Variants in TANC1 observed in about 807,000 individuals in gnomAD.
TANC1 encodes the protein tetratricopeptide repeat, ankyrin repeat and coiled-coil containing 1, also known as protein TANC1.
In TANC1, 77 loss-of-function variants were observed where a neutral mutation model predicts 149.7. The ratio of observed to expected loss-of-function variants is 0.51; its 90% CI spans 0.43 to 0.62. TANC1 has a LOEUF of 0.62. Ranked by LOEUF, TANC1 falls within the 20% of genes least tolerant of loss-of-function variation. TANC1 has a pLI of 0.00. For synonymous variants in TANC1, 854 were observed against 925.0 expected, an observed-to-expected ratio of 0.92 and a Z score of 1.39; for missense variants, 1,985 against 2,321.8, an observed-to-expected ratio of 0.85 and a Z score of 2.98.
intron 3 of TANC1, among the ~76,000 whole-genome samples, chr2:159,072,639 A>G (rs768086685): frequency 5.9e-5 from 9 of 152,244 alleles, no homozygotes; most frequent in Non-Finnish European, 1.2e-4. Flanking sequence ...CCTTAAAAAT[A>G]TATAAATAAA....
At chr2:159,190,965 TG>T (rs1163485271) in intron 16 of TANC1, among the ~76,000 whole-genome samples, 1 of 152,228 alleles carries the variant, frequency 6.6e-6, no homozygotes, top group African/African-American at 2.4e-5. Context: ...GCAGGCTTGG[TG>T]GGGATTAATT....
chr2:159,192,163 C>T (rs2057493004), intron 16 of TANC1, among the ~76,000 whole-genome samples: 1 of 152,144 alleles, frequency 6.6e-6, no homozygotes, highest in Admixed American at 6.5e-5. Flanking sequence ...GGAAGCAGCA[C>T]ATTATTTTCT....
intron 7 of TANC1, among the ~76,000 whole-genome samples, chr2:159,153,402 A>C (rs1304821569): frequency 6.6e-6 from 1 of 152,254 alleles, no homozygotes; most frequent in East Asian, 1.9e-4. Context: ...GGAATTAGGA[A>C]GTGGCTGGTA....
intron 2 of TANC1, among the ~76,000 whole-genome samples, chr2:159,048,295 G>A (rs1369685460): frequency 2.6e-5 from 4 of 152,176 alleles, no homozygotes; most frequent in Admixed American, 6.5e-5. Flanking sequence ...ATCTGTTAAC[G>A]TATATTTTTT....
chr2:159,160,374 C>G (rs547022989), intron 7 of TANC1, among the ~76,000 whole-genome samples: 2 of 152,086 alleles, frequency 1.3e-5, no homozygotes, highest in South Asian at 4.2e-4. Context: ...AGATGCTGCC[C>G]TTGATGTGTA....
intron 18 of TANC1, 79 bp downstream of exon 18, chr2:159,196,872 A>T (rs1575201341): frequency 1.5e-6 from 2 of 1,358,044 alleles, no homozygotes; most frequent in East Asian, 4.9e-5. Flanking sequence ...GAAGGACCGA[A>T]AGAAGGAGGA....
At chr2:158,969,309 G>C (rs2032471261) in intron 1 of TANC1, among the ~76,000 whole-genome samples, 1 of 152,254 alleles carries the variant, frequency 6.6e-6, no homozygotes, top group African/African-American at 2.4e-5. Context: ...AAGTTGCCGA[G>C]AGAACTTAAG....
chr2:159,205,473 G>A (rs575726503), intron 19 of TANC1, among the ~76,000 whole-genome samples: 1 of 152,322 alleles, frequency 6.6e-6, no homozygotes, highest in East Asian at 1.9e-4. Context: ...CATGTGAGAA[G>A]GTGTTCCCAT....
At chr2:159,120,868 T>C (rs539493102) in intron 4 of TANC1, among the ~76,000 whole-genome samples, 17 of 152,324 alleles carry the variant, frequency 1.1e-4, no homozygotes, top group Middle Eastern at 3.4e-3. Context: ...CCCAAAGTGC[T>C]GAGATTACAG....
chr2:159,037,387 T>C (rs1419131555), intron 2 of TANC1, among the ~76,000 whole-genome samples: 48 of 152,220 alleles, frequency 3.2e-4, no homozygotes, highest in Admixed American at 3.1e-3. Context: ...TTGTCAATTT[T>C]GGCTTTTGTT....
intron 2 of TANC1, chr2:159,004,182 C>T: frequency 1.2e-6 from 2 of 1,612,634 alleles, no homozygotes; most frequent in Non-Finnish European, 1.7e-6. Flanking sequence ...TTTAACAAGC[C>T]TTAGGAAGTT....
In TANC1 at chr2:159,196,279, G is replaced by C. The variant is rs191085862; in HGVS notation, c.2980-329G>C. On this transcript the variant is annotated intron_variant, in intron 17 of 26. Transcript: ENST00000263635. ...CAAGCAACCAAAGTTGGGAAATACA[G>C]GGATTTGTCCGAGGTTTTGGTCTGT... Among the ~76,000 whole-genome samples, 334 of 152,334 alleles carry C rather than the reference G, an allele frequency of 2.2e-3. 2 individuals are homozygous for C. Among genetic ancestry groups the C allele is most frequent in the Non-Finnish European group, 3.8e-3 (258 of 68,040 alleles).
In TANC1 at chr2:159,078,636, A is replaced by T. The variant is rs112933263; in HGVS notation, c.61+12665A>T. Among the ~76,000 whole-genome samples, 41 of 152,298 alleles carry T rather than the reference A, an allele frequency of 2.7e-4. 1 individual carries two copies. The highest frequency in any genetic ancestry group is 9.6e-4 in the African/African-American group (40 of 41,554). On this transcript the variant is annotated intron_variant, in intron 3 of 26. Transcript: ENST00000263635. ...CATCCTTAGCTCCAAGATTCTGAAGATTAGAGATTCTGGAGGATTTTTTCC... is the reference window on the plus strand; with the variant it reads ...CATCCTTAGCTCCAAGATTCTGAAGTTTAGAGATTCTGGAGGATTTTTTCC...
At chr2:159,177,098 C>T (rs1334779548) in intron 13 of TANC1, among the ~76,000 whole-genome samples, 6 of 151,588 alleles carry the variant, frequency 4.0e-5, no homozygotes, top group South Asian at 2.1e-4. Context: ...TTAGTAGAGA[C>T]GGATTTTCAC....
intron 8 of TANC1, among the ~76,000 whole-genome samples, chr2:159,168,974 A>G (rs2054895952): frequency 6.6e-6 from 1 of 152,102 alleles, no homozygotes; most frequent in Non-Finnish European, 1.5e-5. Flanking sequence ...CTCATCAAAC[A>G]CTTTATGGTG....
chr2:159,067,056 A>G (rs971745525), intron 3 of TANC1, among the ~76,000 whole-genome samples: 1 of 152,178 alleles, frequency 6.6e-6, no homozygotes, highest in African/African-American at 2.4e-5. Flanking sequence ...ACTATGTCAA[A>G]TAATGTTTCA....
intron 1 of TANC1, among the ~76,000 whole-genome samples, chr2:158,989,226 G>T (rs1378020775): frequency 6.6e-6 from 1 of 152,218 alleles, no homozygotes; most frequent in East Asian, 1.9e-4. Flanking sequence ...TTTTTGGGGG[G>T]TGCTGGGCAA....
chr2:159,210,866 T>C (rs10184758), intron 19 of TANC1, among the ~76,000 whole-genome samples: 123,700 of 151,256 alleles, frequency 0.82, 53,282 homozygotes, highest in Non-Finnish European at 0.94. Flanking sequence ...CCACCATGCC[T>C]GATCTTTTAA....
chr2:159,192,710 C>T (rs1479869106), intron 16 of TANC1, among the ~76,000 whole-genome samples: 2 of 152,124 alleles, frequency 1.3e-5, no homozygotes, highest in African/African-American at 2.4e-5. Flanking sequence ...AGTGCAGTGA[C>T]GTAATCTTGG....
Sources: gnomAD v4.1 joint callset for allele counts (sites outside exome capture counted in the v4.1 genomes callset) on GRCh38, gnomAD v4.1.1 for gene constraint, MANE v1.5 for transcripts, NCBI Gene and HGNC (gene_info 2026-07-23, HGNC 2026-07-21) for gene names.